The following EBF4 variants were observed in gnomAD, a reference collection of about 807,000 sequenced individuals.
EBF4 encodes EBF transcription factor 4.
EBF4 carries 34 observed loss-of-function variants against 67.1 expected under a neutral mutation model. That is an observed-to-expected ratio of 0.51 (90% CI 0.39 to 0.67). The LOEUF (loss-of-function observed/expected upper bound fraction) is 0.67. Among genes scored for constraint, EBF4 ranks in the 30% least tolerant of loss-of-function variants. The probability of loss-of-function intolerance (pLI) is 0.00; values close to 1 mark genes in which losing one functional copy is unlikely to be tolerated. For missense variants in EBF4, 837 were observed against 873.3 expected (o/e 0.96, Z 0.52); for synonymous variants, 387 against 377.7 (o/e 1.02, Z -0.29).
chr20:2,749,563 C>T (rs1036673826), intron 8 of EBF4, 45 bp downstream of exon 8: 15 of 1,536,848 alleles, frequency 9.8e-6, no homozygotes, highest in Non-Finnish European at 1.3e-5. Context: ...GCCCAGCCAG[C>T]CCCCCAGGCC....
chr20:2,741,177 G>C (rs988411710), intron 6 of EBF4, among the ~76,000 whole-genome samples: 2 of 152,094 alleles, frequency 1.3e-5, no homozygotes, highest in African/African-American at 4.8e-5. Flanking sequence ...GCTGAGCATG[G>C]TAGTGTGACC....
At chr20:2,749,160 T>G (rs970463638) in intron 7 of EBF4, among the ~76,000 whole-genome samples, 1 of 152,100 alleles carries the variant, frequency 6.6e-6, no homozygotes, top group Non-Finnish European at 1.5e-5. Context: ...AAGGAGCCAG[T>G]TTTTTCAGGG....
chr20:2,753,931 G>A (rs2088196985), intron 14 of EBF4, among the ~76,000 whole-genome samples: 1 of 85,890 alleles, frequency 1.2e-5, no homozygotes, highest in African/African-American at 4.6e-5. Context: ...TCAGTTCTGG[G>A]GCAGTACCCT....
intron 6 of EBF4, among the ~76,000 whole-genome samples, chr20:2,714,947 G>GTTACTATATC (rs1341699906): frequency 6.6e-6 from 1 of 151,906 alleles, no homozygotes; most frequent in Non-Finnish European, 1.5e-5. Context: ...AAAATATCTT[G>GTTACTATATC]TTACTATATC....
At position 2,755,607 on chromosome 20, in the gene EBF4, C is replaced by CG; in HGVS notation, c.1541-20_1541-19insG. 23 of 1,209,576 alleles carry CG rather than the reference C, an allele frequency of 1.9e-5. No homozygotes were observed. The highest frequency in any genetic ancestry group is 7.7e-5 in the East Asian group (3 of 39,048). The allele number at this position is 1,209,576 out of a possible 1,614,324, so 74.9% of individuals were successfully genotyped here. A position where few individuals can be genotyped will look rare whatever the true frequency, so the allele number is the denominator to read the frequency against. ...ACCACCTTCCCTGCTGCGCCTGCCC[C>CG]TCCCCGCCCCGCCCCGGAGTCATGC... is the stretch of plus-strand genomic sequence containing the variant. On this transcript the variant is annotated intron_variant, in intron 14 of 16. Coordinates refer to ENST00000609451, the Ensembl canonical transcript of EBF4. This position sits in a 1 kb window ranked among gnomAD's most constrained non-coding sequence, Gnocchi z 4.7.
intron 6 of EBF4, among the ~76,000 whole-genome samples, chr20:2,729,268 C>T (rs973742250): frequency 1.3e-5 from 2 of 152,088 alleles, no homozygotes; most frequent in East Asian, 1.9e-4. Flanking sequence ...CAGCCAGCCA[C>T]GCTCAAAGAA....
At chr20:2,752,362 G>A (rs1421583996) in exon 14 of EBF4, 2 of 1,221,146 alleles carry the variant, frequency 1.6e-6, no homozygotes, top group Non-Finnish European at 2.0e-6. Flanking sequence ...CGCAGGCTAC[G>A]CGCGCAGCTG....
chr20:2,710,241 G>A (rs2087523422), intron 6 of EBF4, among the ~76,000 whole-genome samples: 1 of 152,080 alleles, frequency 6.6e-6, no homozygotes, highest in Non-Finnish European at 1.5e-5. Context: ...CTCAATCTCC[G>A]AGGTTCCGGT....
chr20:2,727,257 G>A (rs780441382), intron 6 of EBF4, among the ~76,000 whole-genome samples: 1 of 151,930 alleles, frequency 6.6e-6, no homozygotes, highest in African/African-American at 2.4e-5. Flanking sequence ...GAACCCTTCA[G>A]TTGCTTCTAT....
At chr20:2,735,702 T>G (rs1248354832) in intron 6 of EBF4, among the ~76,000 whole-genome samples, 1 of 152,186 alleles carries the variant, frequency 6.6e-6, no homozygotes, top group Non-Finnish European at 1.5e-5. Flanking sequence ...CATGAATCAA[T>G]CAGCACCTGT....
At chr20:2,726,377 T>C (rs1182132862) in intron 6 of EBF4, among the ~76,000 whole-genome samples, 1 of 152,096 alleles carries the variant, frequency 6.6e-6, no homozygotes, top group African/African-American at 2.4e-5. Flanking sequence ...AGTCAGGAGT[T>C]TGAGAACAGC....
chr20:2,748,059 T>C (rs1273812779), intron 6 of EBF4, among the ~76,000 whole-genome samples: 5 of 152,122 alleles, frequency 3.3e-5, no homozygotes, highest in Admixed American at 3.3e-4. Flanking sequence ...AGGGATGTGT[T>C]GTATAACAGA....
At chr20:2,760,099 C>T (rs2088303764), downstream of EBF4, 1 of 152,130 alleles carries the variant, frequency 6.6e-6, no homozygotes, top group Admixed American at 6.5e-5. The surrounding 1 kb of genome is among the most constrained non-coding windows in gnomAD (Gnocchi z 4.2). Context: ...CACCTGCCTC[C>T]TTGGTGTGAG....
At chr20:2,693,143 C>T (rs952306688), upstream of EBF4, 8 of 144,316 alleles carry the variant, frequency 5.5e-5, no homozygotes, top group African/African-American at 1.3e-4. This position sits in a 1 kb window ranked among gnomAD's most constrained non-coding sequence, Gnocchi z 4.6. Flanking sequence ...CTCCGCCTCC[C>T]GGATGGTAAT....
At chr20:2,725,727 A>C (rs1391852873) in intron 6 of EBF4, among the ~76,000 whole-genome samples, 1 of 152,200 alleles carries the variant, frequency 6.6e-6, no homozygotes, top group African/African-American at 2.4e-5. Flanking sequence ...AAGGGGTGCT[A>C]CCAACCTCAG....
chr20:2,709,482 C>G lies in EBF4; in HGVS notation c.489-92C>G, dbSNP rs559123482. The G allele has an allele frequency of 3.2e-6, 4 of 1,259,540 alleles. No homozygotes were observed. The East Asian group carries it at 1.1e-4, about 34-fold the overall frequency. The allele number at this position is 1,259,540 out of a possible 1,614,324, so 78.0% of individuals were successfully genotyped here. Reference sequence around the variant, plus strand: ...CACCCAGAGACAGGACATCAGCACCCTCAGCTCAGGGCGCCCCCCACAACT... The same window carrying G: ...CACCCAGAGACAGGACATCAGCACCGTCAGCTCAGGGCGCCCCCCACAACT... On this transcript the variant is annotated intron_variant, in intron 5 of 16. Transcript: ENST00000609451.
At chr20:2,749,712 G>A in exon 9 of EBF4, 4 of 1,555,190 alleles carry the variant, frequency 2.6e-6, no homozygotes, top group Non-Finnish European at 3.5e-6. Flanking sequence ...CTTCTTCGAC[G>A]GGTTGCAGGT....
At chr20:2,727,498 T>C (rs961570069) in intron 6 of EBF4, among the ~76,000 whole-genome samples, 2 of 152,254 alleles carry the variant, frequency 1.3e-5, no homozygotes, top group African/African-American at 2.4e-5. Flanking sequence ...TTGAATACTG[T>C]ATTTTTTAAT....
rs943885983 is a variant in EBF4 at position 2,707,533 on chromosome 20, A to G, written c.415-414A>G. On this transcript the variant is annotated intron_variant, in intron 4 of 16. Transcript: ENST00000609451. The surrounding 1 kb of genome is among the most constrained non-coding windows in gnomAD (Gnocchi z 4.6). ...TAGCTGAGAAGGACAACACTCATCA[A>G]CAGAAGCAGAGGTCCGTCAGGACAT... Among the ~76,000 whole-genome samples, 6 of 152,132 alleles carry G rather than the reference A, an allele frequency of 3.9e-5. No individual in the cohort carries two copies. In the South Asian group the frequency reaches 1.0e-3, roughly 26 times the overall value.
Sources: allele counts gnomAD v4.1 joint callset (sites outside exome capture counted in the v4.1 genomes callset), GRCh38; gene constraint gnomAD v4.1.1; non-coding constraint Gnocchi (gnomAD v3.1); transcripts MANE v1.5; gene names NCBI Gene and HGNC (gene_info 2026-07-23, HGNC 2026-07-21).